MASTL: variants seen among roughly 807,000 people sequenced by gnomAD.
The protein encoded by MASTL is microtubule associated serine/threonine kinase like.
A neutral mutation model predicts 82.5 loss-of-function variants in MASTL; 54 were observed. That is an observed-to-expected ratio of 0.65 (90% CI 0.53 to 0.82). MASTL has a LOEUF of 0.82. Among genes scored for constraint, MASTL ranks in the 40% least tolerant of loss-of-function variants. The probability of loss-of-function intolerance (pLI) is 0.00; values close to 1 mark genes in which losing one functional copy is unlikely to be tolerated. For synonymous variants in MASTL, 323 were observed against 368.9 expected, an observed-to-expected ratio of 0.88 and a Z score of 1.43; for missense variants, 950 against 1,047.8, an observed-to-expected ratio of 0.91 and a Z score of 1.29.
At chr10:27,173,775 C>T (rs908987110) in intron 9 of MASTL, among the ~76,000 whole-genome samples, 1 of 151,760 alleles carries the variant, frequency 6.6e-6, no homozygotes, top group African/African-American at 2.4e-5. Flanking sequence ...GAGACAGTTT[C>T]ACCATGTTAG....
At chr10:27,158,709 G>A in intron 2 of MASTL, 23 bp downstream of exon 2, 1 of 1,611,486 alleles carries the variant, frequency 6.2e-7, no homozygotes. Context: ...TTTTTATGTT[G>A]TTTCTTTATC....
chr10:27,175,246 G>A (rs911856068), intron 9 of MASTL, among the ~76,000 whole-genome samples: 17 of 151,964 alleles, frequency 1.1e-4, no homozygotes, highest in South Asian at 4.2e-4. Flanking sequence ...GCAGTGGCAC[G>A]ATCTCAGCTC....
At chr10:27,155,695 T>G (rs1588632544) in intron 1 of MASTL, 83 bp downstream of exon 1, 10 of 1,494,498 alleles carry the variant, frequency 6.7e-6, no homozygotes, top group African/African-American at 1.4e-5. Flanking sequence ...GGCCCCGGGG[T>G]TGCTGGAGCG....
chr10:27,170,538 A>C lies in MASTL; in HGVS notation c.1579A>C (p.Met527Leu), dbSNP rs2057896111. 6.2e-7 allele frequency: 1 copy of C among 1,613,888 alleles called. No individual in the cohort carries two copies. The highest frequency in any genetic ancestry group is 1.1e-5 in the South Asian group (1 of 91,066). ...QQTPEKLPIP[M>L]IAKNLMCELD... is the part of the protein sequence containing the mutation. ...AACACCAGAAAAATTACCTATACCAATGATAGCAAAAAACCTTATGTGTGA... is the reference window on the plus strand; with the variant it reads ...AACACCAGAAAAATTACCTATACCACTGATAGCAAAAAACCTTATGTGTGA... The change falls in exon 8 of 12, where the codon ATG becomes CTG. Residue 527 changes from methionine (M) to leucine (L), a missense_variant. By Grantham distance (15) the Met-to-Leu change is conservative. Coordinates refer to ENST00000375940, the MANE Select transcript of MASTL (RefSeq NM_001172303.3).
At chr10:27,163,934 C>CATTT (rs2057657784) in intron 4 of MASTL, among the ~76,000 whole-genome samples, 1 of 112,084 alleles carries the variant, frequency 8.9e-6, no homozygotes, top group Non-Finnish European at 2.0e-5. Context: ...CCAGCCTATT[C>CATTT]ATTCATTTAT....
chr10:27,173,791 C>T (rs1401568874), intron 9 of MASTL, among the ~76,000 whole-genome samples: 2 of 151,846 alleles, frequency 1.3e-5, no homozygotes, highest in Non-Finnish European at 2.9e-5. Flanking sequence ...GTTAGCCAGA[C>T]TGGTCTTTAA....
At chr10:27,183,934 A>T (rs2058478029) in intron 11 of MASTL, among the ~76,000 whole-genome samples, 2 of 151,348 alleles carry the variant, frequency 1.3e-5, no homozygotes, top group South Asian at 4.2e-4. Context: ...CTGGTCTCGA[A>T]CTCCTGGGCT....
At chr10:27,182,089 A>T (rs1431998345) in intron 11 of MASTL, among the ~76,000 whole-genome samples, 2 of 151,498 alleles carry the variant, frequency 1.3e-5, no homozygotes, top group East Asian at 1.9e-4. Context: ...AAAAAAAAAA[A>T]AAATACAAAA....
intron 5 of MASTL, 65 bp from the exon 6 acceptor site, chr10:27,165,324 C>T: frequency 1.3e-6 from 2 of 1,531,292 alleles, no homozygotes; most frequent in Non-Finnish European, 1.8e-6. Flanking sequence ...GTATAACAGT[C>T]TATGTACTTA....
Position 27,181,006 on chromosome 10 carries a change from G to A in MASTL, c.2320G>A (p.Gly774Arg). Reference sequence around the variant, plus strand: ...AGTTTGCTTGTTTGAATTTCTAACAGGAATTCCCCCTTTCAATGATGAAAC... The same window carrying A: ...AGTTTGCTTGTTTGAATTTCTAACAAGAATTCCCCCTTTCAATGATGAAAC... ...LGVCLFEFLT[G>R]IPPFNDETPQ... The change falls in exon 10 of 12, where the codon GGA (glycine) becomes AGA (arginine). Residue 774 changes from glycine (G) to arginine (R), a missense_variant. Physicochemically the swap from Gly to Arg is moderately radical, Grantham distance 125 (BLOSUM62 -2). Coordinates refer to ENST00000375940, the MANE Select transcript of MASTL (RefSeq NM_001172303.3). The A allele has an allele frequency of 6.2e-7, 1 of 1,613,842 alleles. No individual in the cohort carries two copies. The highest frequency in any genetic ancestry group is 2.2e-5 in the East Asian group (1 of 44,878).
chr10:27,173,004 C>T, intron 8 of MASTL, 114 bp from the exon 9 acceptor site: 1 of 1,226,028 alleles, frequency 8.2e-7, no homozygotes, highest in South Asian at 1.4e-5. Flanking sequence ...TTGACTACAT[C>T]CTTTACGCCT....
intron 9 of MASTL, among the ~76,000 whole-genome samples, chr10:27,180,520 T>C (rs189860854): frequency 1.3e-5 from 2 of 152,330 alleles, no homozygotes; most frequent in East Asian, 3.9e-4. Flanking sequence ...GTCTCCCCAG[T>C]AGCTGGGATT....
chr10:27,162,568 C>T lies in MASTL; in HGVS notation c.553+1386C>T, dbSNP rs141174761. On this transcript the variant is annotated intron_variant, in intron 4 of 11. Transcript: ENST00000375940. ...CCTGTAGTCCCAGCTACTTAGTAGG[C>T]TGAGGCAGGAGAATTGCTTAAACCT... Among the ~76,000 whole-genome samples the T allele has an allele frequency of 5.2e-3, 798 of 152,132 alleles. 8 individuals are homozygous for T. Among genetic ancestry groups the T allele is most frequent in the South Asian group, 0.022 (108 of 4,814 alleles).
rs1248945294 is a variant in MASTL, at chr10:27,187,336, G to A, written c.*800G>A. Among the ~76,000 whole-genome samples the A allele has an allele frequency of 6.6e-6, 1 of 152,094 alleles. No individual in the cohort carries two copies. Among genetic ancestry groups the A allele is most frequent in the Non-Finnish European group, 1.5e-5 (1 of 68,016 alleles). On this transcript the variant is annotated 3_prime_UTR_variant, in exon 12 of 12. Transcript: ENST00000375940. ...GGCAGCTGGAAAATTCCTTCACTTA[G>A]TAACTCCTTTGGGGAATAAGGAATA... is the stretch of plus-strand genomic sequence containing the variant.
Position 27,186,590 on chromosome 10 carries a change from TTA to T in MASTL, c.*59_*60del. ...TGTGTTATAGAATGAACTTGCATAA[TTA>T]TATACTCCTTAATACTAGATTGATC... On this transcript the variant is annotated 3_prime_UTR_variant, in exon 12 of 12. Coordinates refer to ENST00000375940, the MANE Select transcript of MASTL (RefSeq NM_001172303.3). The T allele has an allele frequency of 1.4e-6, 2 of 1,424,132 alleles. No individual in the cohort carries two copies. Among genetic ancestry groups the T allele is most frequent in the South Asian group, 2.3e-5 (2 of 87,472 alleles). The allele number at this position is 1,424,132 out of a possible 1,614,324, so 88.2% of individuals were successfully genotyped here. A position where few individuals can be genotyped will look rare whatever the true frequency, so the allele number is the denominator to read the frequency against.
chr10:27,165,010 C>A, intron 4 of MASTL, 54 bp from the exon 5 acceptor site: 1 of 1,112,016 alleles, frequency 9.0e-7, no homozygotes, highest in South Asian at 1.3e-5. Context: ...CATTTTTAGT[C>A]AATGGGAGGT....
In MASTL at chr10:27,170,425, A is replaced by G; in HGVS notation, c.1466A>G (p.Gln489Arg). The change falls in exon 8 of 12, where the codon CAG (glutamine) becomes CGG (arginine). Residue 489 changes from glutamine (Q) to arginine (R), a missense_variant. Transcript: ENST00000375940. Reference sequence around the variant, plus strand: ...AATACAGGCTTAACAGTTGAAGTGCAGGACCTTAAGCTATCAGTGCACAAA... The same window carrying G: ...AATACAGGCTTAACAGTTGAAGTGCGGGACCTTAAGCTATCAGTGCACAAA... ...NQNTGLTVEVQDLKLSVHKSQ... is the reference protein window; with the variant it reads ...NQNTGLTVEVRDLKLSVHKSQ... The G allele has an allele frequency of 6.2e-7, 1 of 1,614,160 alleles. No individual in the cohort carries two copies. The highest frequency in any genetic ancestry group is 8.5e-7 in the Non-Finnish European group (1 of 1,179,998).
chr10:27,160,989 G>T (rs1253183044), intron 3 of MASTL, 105 bp from the exon 4 acceptor site: 1 of 769,448 alleles, frequency 1.3e-6, no homozygotes, highest in Non-Finnish European at 2.3e-6. Context: ...TATTTTGGAG[G>T]AAATAAATAG....
At position 27,158,766 on chromosome 10, in the gene MASTL, G is replaced by A. The variant is rs564601378; in HGVS notation, c.324+80G>A. Reference sequence around the variant, plus strand: ...AGTGATTTAAGAGAACCATGTTTTGGTTCAGAGTGCTTGCATTTGAATTCT... The same window carrying A: ...AGTGATTTAAGAGAACCATGTTTTGATTCAGAGTGCTTGCATTTGAATTCT... On this transcript the variant is annotated intron_variant, in intron 2 of 11. Transcript: ENST00000375940. 65 of 1,505,160 alleles carry A rather than the reference G, an allele frequency of 4.3e-5. No homozygotes were observed. The South Asian group carries it at 6.9e-4, about 16-fold the overall frequency. The allele number at this position is 1,505,160 out of a possible 1,614,324, so 93.2% of individuals were successfully genotyped here.
Sources: allele counts gnomAD v4.1 joint callset (sites outside exome capture counted in the v4.1 genomes callset), GRCh38; gene constraint gnomAD v4.1.1; transcripts MANE v1.5; gene names NCBI Gene and HGNC (gene_info 2026-07-23, HGNC 2026-07-21).